PLCE1: variants seen among roughly 807,000 people sequenced by gnomAD.
PLCE1 encodes phospholipase C epsilon 1, also known as 1-phosphatidylinositol 4,5-bisphosphate phosphodiesterase epsilon-1.
A neutral mutation model predicts 242.8 loss-of-function variants in PLCE1; 119 were observed. The observed-to-expected ratio is 0.49, with a 90% CI of 0.42 to 0.57. The LOEUF (loss-of-function observed/expected upper bound fraction) is 0.57. Ranked by LOEUF, PLCE1 falls within the 20% of genes least tolerant of loss-of-function variation. The pLI, the probability that PLCE1 is intolerant of heterozygous loss-of-function variation, is 0.00. For synonymous variants in PLCE1, 945 were observed against 1,017.4 expected (o/e 0.93, Z 1.35); for missense variants, 2,441 against 2,788.8 (o/e 0.88, Z 2.81).
chr10:94,133,487 G>A (rs532954870), intron 3 of PLCE1, among the ~76,000 whole-genome samples: 13 of 152,326 alleles, frequency 8.5e-5, no homozygotes, highest in Admixed American at 8.5e-4. Context: ...TCCACTGCCT[G>A]GGGGTTGCCA....
chr10:94,028,408 C>A (rs1349824506), intron 1 of PLCE1, among the ~76,000 whole-genome samples: 1 of 152,176 alleles, frequency 6.6e-6, no homozygotes, highest in Non-Finnish European at 1.5e-5. Context: ...AGATTACCCC[C>A]AGAGCATGCG....
At chr10:94,059,558 T>C (rs891810163) in intron 2 of PLCE1, among the ~76,000 whole-genome samples, 1 of 152,186 alleles carries the variant, frequency 6.6e-6, no homozygotes, top group Non-Finnish European at 1.5e-5. Flanking sequence ...TAAATTTTAC[T>C]ACATGTATTG....
rs1170827872 is a variant in PLCE1, at chr10:94,132,188, G to A, written c.1221G>A (p.Val407=). 1.2e-6 allele frequency: 2 copies of A among 1,614,062 alleles called. No homozygotes were observed. Among genetic ancestry groups the A allele is most frequent in the African/African-American group, 1.3e-5 (1 of 75,046 alleles). ...EAQWYPIYNA[V]RREETENTVG... is the part of the protein sequence containing the mutation. ...GCTATTCACAGATCTACAATGCAGT[G>A]AGAAGAGAAGAAACAGAAAATACAG... Residue 407 remains valine (V), a synonymous_variant, in exon 3 of 33, where the codon GTG becomes GTA. Transcript: ENST00000371380.
chr10:94,303,274 CA>C lies in PLCE1; in HGVS notation c.5459-1207del, dbSNP rs372599711. On this transcript the variant is annotated intron_variant, in intron 24 of 32. Transcript: ENST00000371380. ...GTTCTTACACATGGAAGGAATCTAT[CA>C]GAGGGAGTATTCATCAGGTGTGTCT... Among the ~76,000 whole-genome samples, 273 of 152,312 alleles carry C rather than the reference CA, an allele frequency of 1.8e-3. 2 individuals are homozygous for C. Among genetic ancestry groups the C allele is most frequent in the African/African-American group, 6.0e-3 (250 of 41,570 alleles).
At chr10:94,297,622 A>AAAAAAAAAAAAAAG (rs1564873283) in intron 23 of PLCE1, among the ~76,000 whole-genome samples, 1 of 110,206 alleles carries the variant, frequency 9.1e-6, no homozygotes, top group African/African-American at 3.5e-5. Context: ...AAAAAAAAAA[A>AAAAAAAAAAAAAAG]AAAAAGTGCA....
At chr10:94,076,115 TTGTGTGTGTGTGCGTGCGTGTGTGTG>T (rs1250415325) in intron 2 of PLCE1, among the ~76,000 whole-genome samples, 1 of 150,722 alleles carries the variant, frequency 6.6e-6, no homozygotes, top group Non-Finnish European at 1.5e-5. Context: ...GTGTGTGTGT[TTGTGTGTGTGTGCGTGCGTGTGTGTG>T]TGTGTGTGTG....
intron 4 of PLCE1, among the ~76,000 whole-genome samples, chr10:94,181,933 A>G (rs1447361202): frequency 6.6e-6 from 1 of 152,168 alleles, no homozygotes; most frequent in Admixed American, 6.5e-5. Context: ...TTAAAATAAC[A>G]AAAAGGAAAA....
At chr10:94,188,012 C>G (rs910743388) in intron 4 of PLCE1, among the ~76,000 whole-genome samples, 3 of 152,082 alleles carry the variant, frequency 2.0e-5, no homozygotes, top group African/African-American at 7.2e-5. Context: ...CCACTTGCCC[C>G]CTTCCCTAGG....
intron 2 of PLCE1, among the ~76,000 whole-genome samples, chr10:94,036,044 A>T (rs775679216): frequency 4.6e-5 from 7 of 152,222 alleles, no homozygotes; most frequent in Non-Finnish European, 7.3e-5. Context: ...CTCTGGAGTC[A>T]GTCGACCTGA....
intron 4 of PLCE1, among the ~76,000 whole-genome samples, chr10:94,204,081 T>G (rs957967142): frequency 2.6e-5 from 4 of 151,816 alleles, no homozygotes; most frequent in African/African-American, 9.7e-5. Flanking sequence ...AAAAAAAAAT[T>G]GGGGGAAGAT....
chr10:94,190,098 C>T (rs1246810884), intron 4 of PLCE1, among the ~76,000 whole-genome samples: 1 of 151,872 alleles, frequency 6.6e-6, no homozygotes, highest in Non-Finnish European at 1.5e-5. Context: ...GCCTGGGCAA[C>T]ATGGTGAAAC....
At chr10:94,000,246 T>A (rs1013954296) in intron 1 of PLCE1, among the ~76,000 whole-genome samples, 12 of 152,210 alleles carry the variant, frequency 7.9e-5, no homozygotes, top group Non-Finnish European at 1.5e-4. Context: ...GTACAAGAAA[T>A]ATAACTGTAT....
At position 94,227,236 on chromosome 10, in the gene PLCE1, T is replaced by A. The variant is rs576694671; in HGVS notation, c.1810-70T>A. 5.6e-6 allele frequency: 8 copies of A among 1,423,904 alleles called. No homozygotes were observed. The East Asian group carries it at 9.1e-5, about 16-fold the overall frequency. 88.2% of individuals were successfully genotyped at this position (1,423,904 alleles called of 1,614,324 possible). A position where few individuals can be genotyped will look rare whatever the true frequency, so the allele number is the denominator to read the frequency against. On this transcript the variant is annotated intron_variant, in intron 4 of 32. Coordinates refer to ENST00000371380, the MANE Select transcript of PLCE1 (RefSeq NM_016341.4). ...TTGATATTTTTAGAAAAACAAAGAA[T>A]GCTTTTGGAAAAAAAAATTGCCAAG...
chr10:94,216,160 C>T (rs2049518274), intron 4 of PLCE1, among the ~76,000 whole-genome samples: 1 of 152,150 alleles, frequency 6.6e-6, no homozygotes, highest in South Asian at 2.1e-4. Context: ...TGAATTAATA[C>T]CTGTTAAGTA....
intron 4 of PLCE1, among the ~76,000 whole-genome samples, chr10:94,207,039 C>A (rs2049177266): frequency 6.6e-6 from 1 of 152,206 alleles, no homozygotes; most frequent in Non-Finnish European, 1.5e-5. Context: ...AATGTATTAA[C>A]CATTGTATGT....
chr10:94,306,316 T>C lies in PLCE1; in HGVS notation c.5623-111T>C. ...ACAGTTTTATTCATCATTCACTTTG[T>C]CCATTCCAGTGTTCTTGGGATTCCT... On this transcript the variant is annotated intron_variant, in intron 25 of 32. Transcript: ENST00000371380. This position sits in a 1 kb window ranked among gnomAD's most constrained non-coding sequence, Gnocchi z 5.7. 6.4e-7 allele frequency: 1 copy of C among 1,559,788 alleles called. No individual in the cohort carries two copies. Among genetic ancestry groups the C allele is most frequent in the Non-Finnish European group, 8.8e-7 (1 of 1,131,880 alleles).
intron 29 of PLCE1, 107 bp from the exon 30 acceptor site, chr10:94,321,794 A>C (rs998698588): frequency 1.5e-5 from 12 of 778,204 alleles, no homozygotes; most frequent in East Asian, 1.3e-4. Flanking sequence ...TATTAAGCTA[A>C]GAAGTTTCTA....
In PLCE1 at chr10:94,324,584, T is replaced by C. The variant is rs777608339; in HGVS notation, c.6720+17T>C. 3 of 1,588,508 alleles carry C rather than the reference T, an allele frequency of 1.9e-6. No homozygotes were observed. The highest frequency in any genetic ancestry group is 1.7e-4 in the Middle Eastern group (1 of 6,030). On this transcript the variant is annotated intron_variant, in intron 31 of 32. Coordinates refer to ENST00000371380, the MANE Select transcript of PLCE1 (RefSeq NM_016341.4). ...CAGGTGCAGGTAAAGTTTAAAGTTATTTTGCTCTGTTCTTAAGTTATCTGA... is the reference window on the plus strand; with the variant it reads ...CAGGTGCAGGTAAAGTTTAAAGTTACTTTGCTCTGTTCTTAAGTTATCTGA...
intron 7 of PLCE1, among the ~76,000 whole-genome samples, chr10:94,240,165 A>G (rs1430903957): frequency 6.6e-6 from 1 of 152,178 alleles, no homozygotes; most frequent in African/African-American, 2.4e-5. Context: ...ATTTTTACAG[A>G]GAAGCTCTAT....
Sources: allele counts gnomAD v4.1 joint callset (sites outside exome capture counted in the v4.1 genomes callset), GRCh38; gene constraint gnomAD v4.1.1; non-coding constraint Gnocchi (gnomAD v3.1); transcripts MANE v1.5; gene names NCBI Gene and HGNC (gene_info 2026-07-23, HGNC 2026-07-21).